SKIC8: variants seen among roughly 807,000 people sequenced by gnomAD.
SKIC8 encodes the protein SKI8 subunit of superkiller complex.
the SKIC8 span, chr15:78,284,964 A>C: frequency 2.8e-6 from 1 of 357,860 alleles, no homozygotes; most frequent in Non-Finnish European, 5.1e-6. Flanking sequence ...GGCCCCAGAC[A>C]CCAGCTGCAG....
the SKIC8 span, chr15:78,289,595 T>G: frequency 6.4e-7 from 1 of 1,554,100 alleles, no homozygotes; most frequent in Non-Finnish European, 8.9e-7. Context: ...ACCCAGTTTG[T>G]CAAAATAAGA....
At chr15:78,294,622 G>A in the SKIC8 span, 1 of 318,488 alleles carries the variant, frequency 3.1e-6, no homozygotes, top group Non-Finnish European at 5.8e-6. Context: ...CATTAACAGA[G>A]TTTTGAGCCT....
the SKIC8 span, chr15:78,292,960 TTTAAGA>T: frequency 3.1e-6 from 3 of 957,688 alleles, no homozygotes; most frequent in African/African-American, 5.0e-5. Flanking sequence ...AATGTAGGAC[TTTAAGA>T]TTTTTTTTTT....
the SKIC8 span, among the ~76,000 whole-genome samples, chr15:78,289,376 G>A: frequency 6.6e-6 from 1 of 152,084 alleles, no homozygotes; most frequent in African/African-American, 2.4e-5. Context: ...TCACACCACT[G>A]CACTCCAGCC....
At chr15:78,295,859 C>T in the SKIC8 span, 1 of 659,412 alleles carries the variant, frequency 1.5e-6, no homozygotes, top group Non-Finnish European at 2.4e-6. Flanking sequence ...ATGGATCAGT[C>T]CCTGGAACCT....
the SKIC8 span, chr15:78,293,458 T>A: frequency 1.8e-6 from 1 of 547,812 alleles, no homozygotes; most frequent in Non-Finnish European, 3.2e-6. Flanking sequence ...CTGAAGAAGC[T>A]ACTTGCCCTA....
chr15:78,293,206 A>C, the SKIC8 span: 1 of 1,614,152 alleles, frequency 6.2e-7, no homozygotes. Flanking sequence ...GGAGCCTGTG[A>C]CCACTGTCTC....
At chr15:78,288,152 G>T in the SKIC8 span, 1 of 809,018 alleles carries the variant, frequency 1.2e-6, no homozygotes, top group Non-Finnish European at 1.9e-6. Flanking sequence ...GAACGGGGGA[G>T]GACCGCCTGG....
the SKIC8 span, chr15:78,285,861 T>C: frequency 5.9e-6 from 3 of 507,200 alleles, no homozygotes; most frequent in Non-Finnish European, 1.1e-5. Flanking sequence ...GGATTACTTG[T>C]TGACTTTTGT....
the SKIC8 span, among the ~76,000 whole-genome samples, chr15:78,287,840 G>T: frequency 1.4e-4 from 22 of 152,266 alleles, no homozygotes; most frequent in East Asian, 3.3e-3. Flanking sequence ...TCCCATCTAG[G>T]CCTGTAGCAG....
At chr15:78,288,061 G>C in the SKIC8 span, among the ~76,000 whole-genome samples, 10,047 of 152,166 alleles carry the variant, frequency 0.066, 1,119 homozygotes, top group African/African-American at 0.23. Flanking sequence ...AGAAAAAGTA[G>C]CAAGTATCTG....
the SKIC8 span, chr15:78,295,002 C>T: frequency 6.2e-7 from 1 of 1,613,954 alleles, no homozygotes; most frequent in South Asian, 1.1e-5. Context: ...CACATTAAAC[C>T]CATGGTCAGA....
the SKIC8 span, chr15:78,285,189 G>T: frequency 6.7e-7 from 1 of 1,495,772 alleles, no homozygotes; most frequent in Non-Finnish European, 9.3e-7. Context: ...AACAAGGTCA[G>T]GAAAAGAAAA....
At chr15:78,290,003 T>A in the SKIC8 span, 1 of 1,614,208 alleles carries the variant, frequency 6.2e-7, no homozygotes, top group Non-Finnish European at 8.5e-7. Context: ...ATATTCCTTT[T>A]TCCCACTTTC....
chr15:78,289,024 A>G, the SKIC8 span: 1 of 391,922 alleles, frequency 2.6e-6, no homozygotes, highest in South Asian at 1.9e-5. Flanking sequence ...ACACACATAC[A>G]TAATGTGATA....
chr15:78,289,608 A>C, the SKIC8 span: 2 of 1,592,054 alleles, frequency 1.3e-6, no homozygotes, highest in African/African-American at 2.7e-5. Context: ...AAATAAGATG[A>C]TGATATATAC....
At chr15:78,289,681 G>A in the SKIC8 span, 1 of 1,613,966 alleles carries the variant, frequency 6.2e-7, no homozygotes, top group Non-Finnish European at 8.5e-7. Flanking sequence ...TCCATCTATG[G>A]CTCCACTGGC....
At chr15:78,286,621 T>C in the SKIC8 span, 1 of 153,334 alleles carries the variant, frequency 6.5e-6, no homozygotes, top group African/African-American at 2.4e-5. Context: ...AGTTTAAACC[T>C]AATCAAGAAC....
the SKIC8 span, chr15:78,292,961 TTAAGA>T: frequency 1.0e-6 from 1 of 964,602 alleles, no homozygotes; most frequent in South Asian, 1.8e-5. Context: ...ATGTAGGACT[TTAAGA>T]TTTTTTTTTT....
Sources: gnomAD v4.1 joint callset for allele counts (sites outside exome capture counted in the v4.1 genomes callset) on GRCh38, gnomAD v4.1.1 for gene constraint, MANE v1.5 for transcripts, NCBI Gene and HGNC (gene_info 2026-07-23, HGNC 2026-07-21) for gene names.